Variants in PCDHGA6 observed in about 807,000 individuals in gnomAD.
The protein encoded by PCDHGA6 is protocadherin gamma-A6.
A neutral mutation model predicts 60.6 loss-of-function variants in PCDHGA6; 41 were observed. That is an observed-to-expected ratio of 0.68 (90% confidence interval 0.53 to 0.88). The LOEUF (loss-of-function observed/expected upper bound fraction) is 0.88. PCDHGA6 is among the 40% of genes least tolerant of loss of function. The pLI, the probability that PCDHGA6 is intolerant of heterozygous loss-of-function variation, is 0.00. For missense variants in PCDHGA6, 1,312 were observed against 1,203.0 expected (o/e 1.09, Z -1.34); for synonymous variants, 594 against 524.4 (o/e 1.13, Z -1.81).
intron 1 of PCDHGA6, chr5:141,383,335 A>C (rs768493481): frequency 2.6e-5 from 42 of 1,613,892 alleles, no homozygotes; most frequent in Non-Finnish European, 3.4e-5. Flanking sequence ...AATGGAGAAT[A>C]CAGCTCCTGG....
intron 1 of PCDHGA6, chr5:141,417,926 C>T (rs779409064): frequency 6.2e-7 from 1 of 1,610,108 alleles, no homozygotes; most frequent in East Asian, 2.2e-5. Context: ...TTTGCTGCTG[C>T]CTTTGTTCTA....
chr5:141,510,709 CAGTGAGTAAGGAA>C (rs1452833908), intron 3 of PCDHGA6, among the ~76,000 whole-genome samples: 7 of 152,168 alleles, frequency 4.6e-5, no homozygotes, highest in Admixed American at 4.6e-4. Flanking sequence ...CCCAGGATCA[CAGTGAGTAAGGAA>C]AGGAGCTAGG....
At chr5:141,427,529 G>A (rs1464520351) in intron 1 of PCDHGA6, 1 of 619,898 alleles carries the variant, frequency 1.6e-6, no homozygotes, top group African/African-American at 1.8e-5. Context: ...GGATCCCGGA[G>A]TACAACGTCA....
At chr5:141,424,547 T>A (rs1484479408) in intron 1 of PCDHGA6, 2 of 152,238 alleles carry the variant, frequency 1.3e-5, no homozygotes, top group African/African-American at 4.8e-5. Flanking sequence ...AACTTGATTT[T>A]GATTCAGTGC....
chr5:141,423,809 G>C, intron 1 of PCDHGA6: 1 of 1,260,030 alleles, frequency 7.9e-7, no homozygotes, highest in Non-Finnish European at 1.0e-6. Context: ...ATACATGTGA[G>C]TTTTACTTTG....
chr5:141,405,187 GGTTCGAGCTT>G (rs2094622612), intron 1 of PCDHGA6: 1 of 1,613,360 alleles, frequency 6.2e-7, no homozygotes, highest in African/African-American at 1.3e-5. Context: ...GTGTAGATGG[GGTTCGAGCTT>G]TCCTACAGAC....
intron 1 of PCDHGA6, chr5:141,427,812 G>T: frequency 6.6e-7 from 1 of 1,524,404 alleles, no homozygotes; most frequent in Non-Finnish European, 9.0e-7. Flanking sequence ...CGCACAGAGC[G>T]GGGTGGTGGT....
intron 1 of PCDHGA6, chr5:141,392,975 GGA>G: frequency 6.2e-7 from 1 of 1,613,862 alleles, no homozygotes; most frequent in Non-Finnish European, 8.5e-7. Context: ...ACCTGGGGCT[GGA>G]CCCCCGGAAG....
chr5:141,498,971 GGGAAGGAAGGAAGGAAGGAAGGAAGGAA>G (rs201769957), intron 2 of PCDHGA6, among the ~76,000 whole-genome samples: 8 of 111,052 alleles, frequency 7.2e-5, no homozygotes, highest in South Asian at 3.8e-4. Flanking sequence ...GAGGGAGGGA[GGGAAGGAAGGAAGGAAGGAAGGAAGGAA>G]GGAAGGAAGG....
chr5:141,440,035 C>T, intron 1 of PCDHGA6: 1 of 153,140 alleles, frequency 6.5e-6, no homozygotes, highest in East Asian at 1.9e-4. Flanking sequence ...GTGTCGAGGA[C>T]ATGCCCACTT....
intron 1 of PCDHGA6, among the ~76,000 whole-genome samples, chr5:141,382,339 C>A (rs1018758986): frequency 2.6e-5 from 4 of 152,082 alleles, no homozygotes; most frequent in African/African-American, 9.7e-5. Context: ...TAAGTAAAAT[C>A]TTTCATATGT....
At chr5:141,425,110 C>T (rs1335909720) in intron 1 of PCDHGA6, among the ~76,000 whole-genome samples, 1 of 152,166 alleles carries the variant, frequency 6.6e-6, no homozygotes, top group East Asian at 1.9e-4. Context: ...CAGATGCCTA[C>T]ATTTTTCTTG....
At chr5:141,474,126 A>G (rs1450071391) in intron 1 of PCDHGA6, among the ~76,000 whole-genome samples, 2 of 152,232 alleles carry the variant, frequency 1.3e-5, no homozygotes, top group African/African-American at 4.8e-5. Context: ...AAAATCTCAG[A>G]AAACTACAGG....
intron 1 of PCDHGA6, among the ~76,000 whole-genome samples, chr5:141,483,997 T>G (rs2099590025): frequency 8.6e-5 from 6 of 69,516 alleles, no homozygotes; most frequent in East Asian, 4.4e-4. Context: ...TGCTGGGAGG[T>G]CTGGATGAGG....
chr5:141,384,913 T>C, intron 1 of PCDHGA6: 1 of 1,613,988 alleles, frequency 6.2e-7, no homozygotes, highest in Non-Finnish European at 8.5e-7. Context: ...CCCCGAAGTC[T>C]TGGCCGACCT....
intron 1 of PCDHGA6, chr5:141,410,555 C>T (rs768561351): frequency 1.9e-6 from 3 of 1,613,084 alleles, no homozygotes; most frequent in Middle Eastern, 1.6e-4. Context: ...CAGTGTTTCT[C>T]CTGGAGCCTT....
intron 1 of PCDHGA6, chr5:141,384,327 A>G (rs750339599): frequency 2.7e-5 from 43 of 1,613,860 alleles, no homozygotes; most frequent in Non-Finnish European, 3.1e-5. Flanking sequence ...TAGTGACTGC[A>G]CAGGACCACG....
chr5:141,413,075 AG>A (rs1225722826), intron 1 of PCDHGA6: 11 of 1,246,492 alleles, frequency 8.8e-6, no homozygotes, highest in Non-Finnish European at 1.1e-5. Context: ...TAAAGTGCCC[AG>A]GCTACAGAGA....
At chr5:141,453,029 A>G (rs1014709934) in intron 1 of PCDHGA6, among the ~76,000 whole-genome samples, 1 of 152,206 alleles carries the variant, frequency 6.6e-6, no homozygotes, top group Non-Finnish European at 1.5e-5. Context: ...TCATTAAAAT[A>G]AAGTTTGTTT....
Sources: gnomAD v4.1 joint callset for allele counts (sites outside exome capture counted in the v4.1 genomes callset) on GRCh38, gnomAD v4.1.1 for gene constraint, MANE v1.5 for transcripts, NCBI Gene and HGNC (gene_info 2026-07-23, HGNC 2026-07-21) for gene names.